PTPRK: variants seen among roughly 807,000 people sequenced by gnomAD.
PTPRK encodes the protein receptor-type tyrosine-protein phosphatase kappa.
In PTPRK, 75 loss-of-function variants were observed where a neutral mutation model predicts 178.0. The ratio of observed to expected loss-of-function variants is 0.42; its 90% CI spans 0.35 to 0.51. The LOEUF (loss-of-function observed/expected upper bound fraction) is 0.51. PTPRK is among the 20% of genes least tolerant of loss of function. The pLI is 0.02. For missense variants in PTPRK, 1,441 were observed against 1,797.8 expected (o/e 0.80, Z 3.59); for synonymous variants, 637 against 620.6 (o/e 1.03, Z -0.39).
intron 6 of PTPRK, among the ~76,000 whole-genome samples, chr6:128,191,590 A>G (rs1445726850): frequency 3.3e-5 from 5 of 152,052 alleles, no homozygotes; most frequent in Admixed American, 6.5e-5. Flanking sequence ...ACCACAAATA[A>G]ATGGTGAGAT....
chr6:127,978,881 G>A (rs1774922445), intron 25 of PTPRK, among the ~76,000 whole-genome samples: 2 of 152,198 alleles, frequency 1.3e-5, no homozygotes. Flanking sequence ...ATAAAGGGTA[G>A]GGAGAAAGAA....
At chr6:127,987,268 A>G (rs926667661) in intron 21 of PTPRK, among the ~76,000 whole-genome samples, 1 of 131,684 alleles carries the variant, frequency 7.6e-6, no homozygotes, top group Admixed American at 7.8e-5. Context: ...CTTGTTCTAA[A>G]TAACAAGAAA....
chr6:128,007,899 G>C, intron 14 of PTPRK: 1 of 447,486 alleles, frequency 2.2e-6, no homozygotes, highest in Non-Finnish European at 4.1e-6. Flanking sequence ...GATCTTTACT[G>C]GCAAATTTTT....
At chr6:128,306,185 C>T in intron 3 of PTPRK, among the ~76,000 whole-genome samples, 1 of 152,132 alleles carries the variant, frequency 6.6e-6, no homozygotes, top group East Asian at 1.9e-4. Context: ...CAGAGCCTAA[C>T]CATACCAGGG....
At chr6:128,200,645 T>C (rs1805729004) in intron 6 of PTPRK, among the ~76,000 whole-genome samples, 1 of 151,436 alleles carries the variant, frequency 6.6e-6, no homozygotes, top group Non-Finnish European at 1.5e-5. Flanking sequence ...GAGGTGAGAT[T>C]GCTTGTATCT....
At chr6:128,135,115 C>T (rs1233946621) in intron 7 of PTPRK, among the ~76,000 whole-genome samples, 4 of 151,510 alleles carry the variant, frequency 2.6e-5, no homozygotes, top group Admixed American at 2.0e-4. Context: ...CACACACACA[C>T]TCTCCTAATA....
At chr6:128,315,847 A>G (rs1477460570) in intron 3 of PTPRK, among the ~76,000 whole-genome samples, 1 of 152,308 alleles carries the variant, frequency 6.6e-6, no homozygotes, top group South Asian at 2.1e-4. Context: ...GTCCCTTATA[A>G]CACCAATATT....
At chr6:128,353,769 G>A (rs1016247476) in intron 2 of PTPRK, among the ~76,000 whole-genome samples, 1 of 152,062 alleles carries the variant, frequency 6.6e-6, no homozygotes, top group African/African-American at 2.4e-5. Context: ...TCCTTCAGGT[G>A]ACAAAAAAAA....
intron 2 of PTPRK, among the ~76,000 whole-genome samples, chr6:128,390,729 C>T (rs1562421028): frequency 6.6e-6 from 1 of 152,202 alleles, no homozygotes; most frequent in South Asian, 2.1e-4. Flanking sequence ...TGTTTTGTCT[C>T]TGGTAGATAT....
chr6:127,999,163 T>G (rs1261714455), intron 15 of PTPRK, among the ~76,000 whole-genome samples: 1 of 152,062 alleles, frequency 6.6e-6, no homozygotes, highest in Non-Finnish European at 1.5e-5. Context: ...ATAGACCTTT[T>G]AAAAGCTTAA....
chr6:128,090,420 A>C (rs1258574837), intron 7 of PTPRK, among the ~76,000 whole-genome samples: 1 of 152,210 alleles, frequency 6.6e-6, no homozygotes, highest in Non-Finnish European at 1.5e-5. Flanking sequence ...GCTGTATACG[A>C]ATTATTCTAA....
intron 2 of PTPRK, among the ~76,000 whole-genome samples, chr6:128,343,655 GCA>G (rs1161801037): frequency 2.6e-5 from 4 of 152,178 alleles, no homozygotes; most frequent in Admixed American, 2.6e-4. Flanking sequence ...TAACTCTATA[GCA>G]CAGTTAAAGT....
At chr6:128,228,585 G>A (rs1007776405) in intron 5 of PTPRK, among the ~76,000 whole-genome samples, 2 of 150,724 alleles carry the variant, frequency 1.3e-5, no homozygotes, top group Non-Finnish European at 3.0e-5. Flanking sequence ...GCGTGAACCC[G>A]GGAGGCGGAG....
intron 1 of PTPRK, among the ~76,000 whole-genome samples, chr6:128,440,952 T>C (rs1291023563): frequency 6.6e-6 from 1 of 152,090 alleles, no homozygotes; most frequent in East Asian, 1.9e-4. Flanking sequence ...GATACAGCCA[T>C]CTGTATTTGA....
chr6:128,427,058 G>A (rs1322708286), intron 1 of PTPRK, among the ~76,000 whole-genome samples: 1 of 152,122 alleles, frequency 6.6e-6, no homozygotes, highest in Admixed American at 6.5e-5. Context: ...CCCATCATGT[G>A]TTCTAACGTG....
At chr6:128,074,066 C>G (rs1333502479) in intron 11 of PTPRK, among the ~76,000 whole-genome samples, 1 of 151,980 alleles carries the variant, frequency 6.6e-6, no homozygotes, top group Non-Finnish European at 1.5e-5. Flanking sequence ...GAACTTAGAA[C>G]ATCAGACAAT....
At chr6:128,387,594 A>G (rs1252429267) in intron 2 of PTPRK, among the ~76,000 whole-genome samples, 1 of 152,156 alleles carries the variant, frequency 6.6e-6, no homozygotes, top group Non-Finnish European at 1.5e-5. Context: ...AAATTAATCT[A>G]TCTTTAGCAT....
At chr6:128,137,045 T>A (rs1356718049) in intron 7 of PTPRK, among the ~76,000 whole-genome samples, 2 of 152,160 alleles carry the variant, frequency 1.3e-5, no homozygotes, top group Non-Finnish European at 2.9e-5. Flanking sequence ...CTGTTTTGCT[T>A]GTAGGGTTCC....
chr6:128,428,362 A>G (rs1035307466), intron 1 of PTPRK, among the ~76,000 whole-genome samples: 4 of 152,204 alleles, frequency 2.6e-5, no homozygotes, highest in African/African-American at 7.2e-5. Context: ...GTAGACTACT[A>G]AGGTCTAAAG....
Sources: gnomAD v4.1 joint callset for allele counts (sites outside exome capture counted in the v4.1 genomes callset) on GRCh38, gnomAD v4.1.1 for gene constraint, MANE v1.5 for transcripts, NCBI Gene and HGNC (gene_info 2026-07-23, HGNC 2026-07-21) for gene names.